Variants in SEC24B observed in about 807,000 individuals in gnomAD.
SEC24B encodes SEC24 homolog B, COPII component.
In SEC24B, 45 loss-of-function variants were observed where a neutral mutation model predicts 142.8. That is an observed-to-expected ratio of 0.32 (90% CI 0.25 to 0.40). The LOEUF (loss-of-function observed/expected upper bound fraction) is 0.40, where lower values mean the gene tolerates loss of function less well. Among genes scored for constraint, SEC24B ranks in the 10% least tolerant of loss-of-function variants. The pLI is 1.00. For synonymous variants in SEC24B, 574 were observed against 568.2 expected (o/e 1.01, Z -0.15); for missense variants, 1,409 against 1,526.8 (o/e 0.92, Z 1.29).
At chr4:109,518,398 G>T (rs1246514453) in intron 11 of SEC24B, among the ~76,000 whole-genome samples, 4 of 152,180 alleles carry the variant, frequency 2.6e-5, no homozygotes, top group African/African-American at 9.6e-5. Flanking sequence ...TACTGCAGTG[G>T]TTCTCAACAT....
chr4:109,511,657 T>C (rs993109423), intron 8 of SEC24B, among the ~76,000 whole-genome samples: 1 of 152,220 alleles, frequency 6.6e-6, no homozygotes, highest in Non-Finnish European at 1.5e-5. Context: ...TATTTGTATA[T>C]GGTATGTTTC....
intron 3 of SEC24B, among the ~76,000 whole-genome samples, chr4:109,473,548 A>G (rs892583361): frequency 1.3e-5 from 2 of 152,214 alleles, no homozygotes; most frequent in Non-Finnish European, 2.9e-5. Context: ...GTGACTCTCC[A>G]TATCCTATTT....
intron 1 of SEC24B, among the ~76,000 whole-genome samples, chr4:109,457,962 G>A (rs1325874342): frequency 6.6e-6 from 1 of 152,148 alleles, no homozygotes; most frequent in East Asian, 1.9e-4. Flanking sequence ...CAGGATTGGG[G>A]GGATTAGGAT....
chr4:109,484,259 G>A (rs117830077), intron 4 of SEC24B, among the ~76,000 whole-genome samples: 1 of 152,100 alleles, frequency 6.6e-6, no homozygotes, highest in Non-Finnish European at 1.5e-5. Context: ...ATGTTCCCCA[G>A]TGTGGGTTTA....
chr4:109,519,398 G>A (rs1723360705), intron 11 of SEC24B, among the ~76,000 whole-genome samples: 1 of 152,196 alleles, frequency 6.6e-6, no homozygotes, highest in African/African-American at 2.4e-5. Context: ...AACAAGCATT[G>A]AGAAAGTAAA....
intron 6 of SEC24B, among the ~76,000 whole-genome samples, chr4:109,495,356 G>A (rs1578896073): frequency 6.6e-6 from 1 of 152,222 alleles, no homozygotes; most frequent in African/African-American, 2.4e-5. Flanking sequence ...CTCATTTACC[G>A]CTGAAGTGGC....
At chr4:109,527,556 A>T in intron 18 of SEC24B, 124 bp downstream of exon 18, 1 of 648,856 alleles carries the variant, frequency 1.5e-6, no homozygotes, top group Non-Finnish European at 2.7e-6. Context: ...ACGGACCACG[A>T]GGTCAGGAGT....
chr4:109,445,282 C>CGCCCAG (rs1431096181), intron 1 of SEC24B, among the ~76,000 whole-genome samples: 8 of 121,812 alleles, frequency 6.6e-5, no homozygotes, highest in African/African-American at 2.4e-4. Flanking sequence ...CTTGTTCTGT[C>CGCCCAG]GCCCAGACTG....
At chr4:109,528,679 C>T (rs1275979590) in intron 18 of SEC24B, among the ~76,000 whole-genome samples, 3 of 152,074 alleles carry the variant, frequency 2.0e-5, no homozygotes, top group Non-Finnish European at 4.4e-5. Context: ...ATATGTAAGT[C>T]TAAAAAAATC....
At position 109,463,617 on chromosome 4, in the gene SEC24B, G is replaced by T. The variant is rs1731547960; in HGVS notation, c.850G>T (p.Val284Leu). The T allele has an allele frequency of 1.2e-6, 2 of 1,613,450 alleles. No homozygotes were observed. The highest frequency in any genetic ancestry group is 2.7e-5 in the African/African-American group (2 of 74,892). Residue 284 changes from valine to leucine, a missense_variant, in exon 2 of 24, where the codon GTA (valine) becomes TTA (leucine). By Grantham distance (32) the Val-to-Leu change is conservative. Transcript: ENST00000265175. ...LIRNHTGSLA[V>L]ANNNPTITVA... Reference sequence around the variant, plus strand: ...CCGAAACCACACAGGATCCCTGGCTGTAGCGAACAACAACCCAACCATTAC... The same window carrying T: ...CCGAAACCACACAGGATCCCTGGCTTTAGCGAACAACAACCCAACCATTAC...
At chr4:109,534,639 C>CA (rs1454676450) in intron 22 of SEC24B, among the ~76,000 whole-genome samples, 3 of 151,886 alleles carry the variant, frequency 2.0e-5, no homozygotes, top group Non-Finnish European at 4.4e-5. Context: ...GTCAGTGATT[C>CA]AAAAAATCAA....
intron 11 of SEC24B, among the ~76,000 whole-genome samples, chr4:109,518,749 G>GCT (rs1723254223): frequency 6.6e-6 from 1 of 150,968 alleles, no homozygotes; most frequent in Non-Finnish European, 1.5e-5. Flanking sequence ...ACGGAAGACT[G>GCT]CTCTACAGAA....
At chr4:109,444,472 AT>A (rs796951465) in intron 1 of SEC24B, among the ~76,000 whole-genome samples, 4,003 of 128,240 alleles carry the variant, frequency 0.031, 134 homozygotes, top group South Asian at 0.086. Context: ...AGATCCTGTG[AT>A]TTTTTTTTTT....
chr4:109,474,581 C>T (rs543892246), intron 3 of SEC24B, among the ~76,000 whole-genome samples: 6 of 152,162 alleles, frequency 3.9e-5, no homozygotes, highest in Admixed American at 1.3e-4. Context: ...CACGCCACCT[C>T]GCCCTGCTAA....
chr4:109,506,465 T>G lies in SEC24B; in HGVS notation c.1626T>G (p.Pro542=). The G allele has an allele frequency of 6.2e-7, 1 of 1,602,614 alleles. No individual in the cohort carries two copies. The highest frequency in any genetic ancestry group is 8.5e-7 in the Non-Finnish European group (1 of 1,174,728). ...NILPMTPVWA[P]VPNLNADLKK... ...TACCTATGACTCCTGTTTGGGCTCC[T>G]GTACCTAACTTGAATGCAGACCTCA... The change falls in exon 7 of 24, where the codon CCT becomes CCG. Residue 542 remains proline (P), a synonymous_variant. Coordinates refer to ENST00000265175, the MANE Select transcript of SEC24B (RefSeq NM_006323.5).
chr4:109,510,147 C>T, intron 8 of SEC24B, 36 bp downstream of exon 8: 1 of 1,141,392 alleles, frequency 8.8e-7, no homozygotes, highest in Non-Finnish European at 1.3e-6. Flanking sequence ...TGGGTACTGA[C>T]ATGTATGCTT....
Position 109,463,431 on chromosome 4 carries a change from G to A in SEC24B, c.664G>A (p.Val222Ile), listed in dbSNP as rs752689419. 7.4e-6 allele frequency: 12 copies of A among 1,614,084 alleles called. No individual in the cohort carries two copies. The highest frequency in any genetic ancestry group is 1.0e-5 in the Non-Finnish European group (12 of 1,180,048). Residue 222 changes from valine (V) to isoleucine (I), a missense_variant, in exon 2 of 24, where the codon GTT (valine) becomes ATT (isoleucine). Around this residue, in one of 2 missense-constraint regions of SEC24B, gnomAD observed 709 missense variants for 673.5 expected, o/e 1.05. Coordinates refer to ENST00000265175, the MANE Select transcript of SEC24B (RefSeq NM_006323.5). Reference sequence around the variant, plus strand: ...ACAGAATGCTCCGACTGTTAGGCCAGTTAAAGATAATTCATTCTCTGGTCA... The same window carrying A: ...ACAGAATGCTCCGACTGTTAGGCCAATTAAAGATAATTCATTCTCTGGTCA... Reference protein sequence around the residue: ...TSQNAPTVRPVKDNSFSGQNT... With the variant: ...TSQNAPTVRPIKDNSFSGQNT...
chr4:109,494,541 G>A (rs185282561), intron 5 of SEC24B, 74 bp from the exon 6 acceptor site: 317 of 1,578,260 alleles, frequency 2.0e-4, no homozygotes, highest in Admixed American at 1.5e-3. Context: ...CAGGGGTTAT[G>A]GACTGGATCA....
chr4:109,526,160 A>G, intron 16 of SEC24B, 66 bp from the exon 17 acceptor site: 1 of 1,467,276 alleles, frequency 6.8e-7, no homozygotes, highest in Admixed American at 2.0e-5. Flanking sequence ...GACTTAAAAA[A>G]GTAACTTTAG....
Sources: gnomAD v4.1 joint callset for allele counts (sites outside exome capture counted in the v4.1 genomes callset) on GRCh38, gnomAD v4.1.1 for gene constraint, gnomAD v4.1.1 regional missense constraint, MANE v1.5 for transcripts, NCBI Gene and HGNC (gene_info 2026-07-23, HGNC 2026-07-21) for gene names.